The following PAIP2B variants were observed in gnomAD, a reference collection of about 807,000 sequenced individuals.
PAIP2B encodes the protein poly(A) binding protein interacting protein 2B, also known as polyadenylate-binding protein-interacting protein 2B.
A neutral mutation model predicts 17.0 loss-of-function variants in PAIP2B; 13 were observed. The ratio of observed to expected loss-of-function variants is 0.76; its 90% CI spans 0.50 to 1.22. The LOEUF (loss-of-function observed/expected upper bound fraction) is 1.22. PAIP2B is among the 50% of genes most tolerant of loss of function. The pLI is 0.00. For missense variants in PAIP2B, 117 were observed against 144.5 expected (o/e 0.81, Z 0.98); for synonymous variants, 43 against 48.7 (o/e 0.88, Z 0.48).
chr2:71,221,858 G>A (rs147520237), intron 1 of PAIP2B, among the ~76,000 whole-genome samples: 2 of 149,816 alleles, frequency 1.3e-5, no homozygotes, highest in Non-Finnish European at 3.0e-5. Context: ...TGCAAAATGC[G>A]CCAATCAGCG....
rs1270296124 is a variant in PAIP2B at position 71,186,504 on chromosome 2, C to T, written c.*1975G>A. 6.6e-6 allele frequency: 1 copy of T among 152,228 alleles called. No individual in the cohort carries two copies. The highest frequency in any genetic ancestry group is 1.5e-5 in the Non-Finnish European group (1 of 68,034). 9.4% of individuals were successfully genotyped at this position (152,228 alleles called of 1,614,324 possible). ...AGCAGAAGGAAAGACAAGCTCCTTT[C>T]TCTCTGCAATCCCAACGCATTTCTA... is the stretch of plus-strand genomic sequence containing the variant. On this transcript the variant is annotated 3_prime_UTR_variant, in exon 4 of 4. Transcript: ENST00000244221.
At chr2:71,199,716 A>C (rs1674930269) in intron 2 of PAIP2B, among the ~76,000 whole-genome samples, 1 of 151,996 alleles carries the variant, frequency 6.6e-6, no homozygotes, top group African/African-American at 2.4e-5. Flanking sequence ...AAAGGCGCCC[A>C]CCACCTATCT....
intron 1 of PAIP2B, among the ~76,000 whole-genome samples, chr2:71,222,360 C>T (rs758967904): frequency 5.9e-5 from 9 of 152,192 alleles, no homozygotes; most frequent in Non-Finnish European, 1.3e-4. Context: ...GGCTGAACTT[C>T]AGGGAGATCA....
At chr2:71,189,626 G>A (rs139148870) in intron 3 of PAIP2B, among the ~76,000 whole-genome samples, 147 of 152,288 alleles carry the variant, frequency 9.7e-4, no homozygotes, top group African/African-American at 3.4e-3. Flanking sequence ...CAAGTAAAAA[G>A]CCCGTGATGC....
chr2:71,206,315 G>A (rs765416038), intron 1 of PAIP2B, among the ~76,000 whole-genome samples: 2 of 152,172 alleles, frequency 1.3e-5, no homozygotes, highest in Non-Finnish European at 2.9e-5. Context: ...TGACTATATT[G>A]CATCTTGAAA....
At chr2:71,221,857 C>G (rs181680263) in intron 1 of PAIP2B, among the ~76,000 whole-genome samples, 1 of 149,874 alleles carries the variant, frequency 6.7e-6, no homozygotes, top group Non-Finnish European at 1.5e-5. Context: ...CTGCAAAATG[C>G]GCCAATCAGC....
At chr2:71,206,382 T>C (rs965311235) in intron 1 of PAIP2B, among the ~76,000 whole-genome samples, 4 of 152,190 alleles carry the variant, frequency 2.6e-5, no homozygotes. Flanking sequence ...CTTATACACA[T>C]GTCAAACATG....
intron 1 of PAIP2B, among the ~76,000 whole-genome samples, chr2:71,218,282 T>C (rs1024346031): frequency 1.3e-5 from 2 of 151,994 alleles, no homozygotes; most frequent in African/African-American, 4.8e-5. Context: ...AAGAAATCTT[T>C]AAAATTACTC....
In PAIP2B at chr2:71,202,544, T is replaced by G. The variant is rs1320627321; in HGVS notation, c.46A>C (p.Lys16Gln). Residue 16 changes from lysine to glutamine, a missense_variant, in exon 2 of 4, where the codon AAA becomes CAA. Coordinates refer to ENST00000244221, the MANE Select transcript of PAIP2B (RefSeq NM_020459.1). ...TGCCCACTTAACCCCTGGTCCTCTT[T>G]GGATTTTACACTCGGTGATGTATTT... ...MANTSPSVKSKEDQGLSGHDE... is the reference protein window; with the variant it reads ...MANTSPSVKSQEDQGLSGHDE... The G allele has an allele frequency of 2.5e-6, 4 of 1,613,838 alleles. No homozygotes were observed. Among genetic ancestry groups the G allele is most frequent in the Non-Finnish European group, 3.4e-6 (4 of 1,179,748 alleles).
At chr2:71,215,933 C>T (rs1404179886) in intron 1 of PAIP2B, among the ~76,000 whole-genome samples, 2 of 152,066 alleles carry the variant, frequency 1.3e-5, no homozygotes, top group African/African-American at 4.8e-5. Flanking sequence ...TGATTTTGGC[C>T]TTGATTTTTC....
intron 2 of PAIP2B, 81 bp downstream of exon 2, chr2:71,202,371 T>C: frequency 6.6e-7 from 1 of 1,518,400 alleles, no homozygotes. Context: ...CCATTTCTTT[T>C]GTAATAAACT....
At chr2:71,195,382 C>T (rs968653253) in intron 2 of PAIP2B, among the ~76,000 whole-genome samples, 2 of 152,160 alleles carry the variant, frequency 1.3e-5, no homozygotes, top group Non-Finnish European at 2.9e-5. Flanking sequence ...CTATTTATTA[C>T]TGATACAATT....
At chr2:71,210,648 G>C (rs1675271671) in intron 1 of PAIP2B, among the ~76,000 whole-genome samples, 1 of 152,130 alleles carries the variant, frequency 6.6e-6, no homozygotes, top group African/African-American at 2.4e-5. Context: ...TCACTTATGT[G>C]GTCCCTATAT....
intron 1 of PAIP2B, among the ~76,000 whole-genome samples, chr2:71,213,629 G>A (rs780525595): frequency 2.0e-4 from 30 of 152,144 alleles, no homozygotes; most frequent in Non-Finnish European, 4.1e-4. Context: ...AAGACTATTA[G>A]GCCCATATAA....
intron 2 of PAIP2B, among the ~76,000 whole-genome samples, chr2:71,201,015 GTGTGTGTGTGTGTGTGT>G (rs1674970551): frequency 2.0e-5 from 3 of 146,880 alleles, no homozygotes; most frequent in African/African-American, 7.9e-5. Flanking sequence ...GTGGGTGTGT[GTGTGTGTGTGTGTGTGT>G]GTGTGTGTGT....
intron 1 of PAIP2B, among the ~76,000 whole-genome samples, chr2:71,219,988 A>G (rs1572939248): frequency 6.6e-6 from 1 of 152,322 alleles, no homozygotes; most frequent in Middle Eastern, 3.4e-3. Flanking sequence ...GTTCTTCCAC[A>G]TGAGTACATA....
At chr2:71,191,142 T>TA (rs1468007895) in intron 2 of PAIP2B, among the ~76,000 whole-genome samples, 1 of 152,152 alleles carries the variant, frequency 6.6e-6, no homozygotes, top group Non-Finnish European at 1.5e-5. Flanking sequence ...GGCTGCCTGG[T>TA]GACAGATTCA....
intron 2 of PAIP2B, among the ~76,000 whole-genome samples, chr2:71,192,670 T>C (rs1192527657): frequency 1.3e-5 from 2 of 152,156 alleles, no homozygotes; most frequent in African/African-American, 2.4e-5. Context: ...CTCCTACTTA[T>C]AAGTGAGAAC....
chr2:71,197,022 T>A (rs564319276), intron 2 of PAIP2B, among the ~76,000 whole-genome samples: 1 of 152,290 alleles, frequency 6.6e-6, no homozygotes, highest in South Asian at 2.1e-4. Flanking sequence ...CATTCAATGT[T>A]GGTATTGATA....
Sources: allele counts gnomAD v4.1 joint callset (sites outside exome capture counted in the v4.1 genomes callset), GRCh38; gene constraint gnomAD v4.1.1; transcripts MANE v1.5; gene names NCBI Gene and HGNC (gene_info 2026-07-23, HGNC 2026-07-21).